Variants in NUP58 observed in about 807,000 individuals in gnomAD.
NUP58 encodes the protein nucleoporin p58/p45.
NUP58 carries 17 observed loss-of-function variants against 70.1 expected under a neutral mutation model. The ratio of observed to expected loss-of-function variants is 0.24; its 90% CI spans 0.17 to 0.36. The LOEUF (loss-of-function observed/expected upper bound fraction) is 0.36, where lower values mean the gene tolerates loss of function less well. Ranked by LOEUF, NUP58 falls within the 10% of genes least tolerant of loss-of-function variation. NUP58 has a pLI of 1.00. For synonymous variants in NUP58, 275 were observed against 257.6 expected (o/e 1.07, Z -0.65); for missense variants, 644 against 701.5 (o/e 0.92, Z 0.93).
intron 3 of NUP58, among the ~76,000 whole-genome samples, chr13:25,312,012 A>G (rs2030694061): frequency 6.6e-6 from 1 of 152,196 alleles, no homozygotes; most frequent in Non-Finnish European, 1.5e-5. Context: ...CTAGACAATG[A>G]GGACTTAGGT....
intron 3 of NUP58, among the ~76,000 whole-genome samples, chr13:25,311,673 C>A: frequency 8.2e-6 from 1 of 121,928 alleles, no homozygotes; most frequent in East Asian, 2.4e-4. Context: ...CGGCACCTGT[C>A]TTTTTTTTTT....
chr13:25,330,272 G>A (rs1213839553), intron 12 of NUP58, among the ~76,000 whole-genome samples: 1 of 152,156 alleles, frequency 6.6e-6, no homozygotes, highest in Non-Finnish European at 1.5e-5. Flanking sequence ...GGTAGTGCTT[G>A]TTTTTCTTAC....
chr13:25,320,385 A>C, intron 7 of NUP58, 145 bp from the exon 8 acceptor site: 1 of 541,056 alleles, frequency 1.8e-6, no homozygotes, highest in South Asian at 2.7e-5. Context: ...GTTTTTTATA[A>C]AGAGCTTTGA....
At chr13:25,315,284 A>T in intron 5 of NUP58, 73 bp from the exon 6 acceptor site, 1 of 1,027,510 alleles carries the variant, frequency 9.7e-7, no homozygotes, top group Non-Finnish European at 1.5e-6. Context: ...TAAAAGCATT[A>T]GAGTCCTTTG....
At chr13:25,337,335 T>C (rs2031821660) in intron 14 of NUP58, among the ~76,000 whole-genome samples, 2 of 152,196 alleles carry the variant, frequency 1.3e-5, no homozygotes, top group African/African-American at 4.8e-5. Context: ...ATCATCTTAA[T>C]TAAAAATCTT....
intron 3 of NUP58, among the ~76,000 whole-genome samples, chr13:25,347,518 C>T (rs2032064336): frequency 6.6e-6 from 1 of 152,206 alleles, no homozygotes; most frequent in Non-Finnish European, 1.5e-5. Flanking sequence ...AGGGTTATAA[C>T]CTCGATGTCT....
rs755300816 is a variant in NUP58, at chr13:25,313,030, C to A, written c.434C>A (p.Ala145Glu). 1.2e-6 allele frequency: 2 copies of A among 1,610,086 alleles called. No individual in the cohort carries two copies. The highest frequency in any genetic ancestry group is 2.2e-5 in the South Asian group (2 of 89,838). The change falls in exon 4 of 16, where the codon GCA becomes GAA. Residue 145 changes from alanine to glutamate, a missense_variant and splice_region_variant. Ala to Glu is a moderately radical substitution (Grantham distance 107, BLOSUM62 -1). Transcript: ENST00000381736. ...TLSSALTSTPAASTGFTLNNL... is the reference protein window; with the variant it reads ...TLSSALTSTPEASTGFTLNNL... ...TCGTCTGCTCTGACATCAACTCCAG[C>A]AGGTGAGGCAGAATGAAAAACCGTT...
intron 9 of NUP58, 52 bp downstream of exon 9, chr13:25,321,145 C>T (rs754067877): frequency 2.7e-6 from 4 of 1,459,940 alleles, no homozygotes; most frequent in Non-Finnish European, 1.9e-6. Flanking sequence ...TTTGTTTTTT[C>T]CAAAATGGAA....
intron 13 of NUP58, chr13:25,335,711 T>C (rs1471169859): frequency 1.0e-6 from 1 of 984,042 alleles, no homozygotes; most frequent in Non-Finnish European, 1.2e-6. Flanking sequence ...TCGGTTGTTT[T>C]TCTTTAAATG....
downstream of NUP58, among the ~76,000 whole-genome samples, chr13:25,345,486 C>T (rs9511762): frequency 0.82 from 124,660 of 151,522 alleles, 53,894 homozygotes; most frequent in Non-Finnish European, 0.96. Context: ...AAGCAAGAGC[C>T]GGACTTGTGC....
rs559729756 is a variant in NUP58 at position 25,313,011 on chromosome 13, G to T, written c.415G>T (p.Ala139Ser). 5.4e-5 allele frequency: 87 copies of T among 1,612,932 alleles called. No individual in the cohort carries two copies. The highest frequency in any genetic ancestry group is 7.0e-5 in the Non-Finnish European group (82 of 1,179,754). The change falls in exon 4 of 16, where the codon GCT (alanine) becomes TCT (serine). Residue 139 changes from alanine to serine, a missense_variant. Coordinates refer to ENST00000381736, the MANE Select transcript of NUP58 (RefSeq NM_014089.4). Reference sequence around the variant, plus strand: ...AGCTAGCGGTCTGACTCTTTCGTCTGCTCTGACATCAACTCCAGCAGGTGA... The same window carrying T: ...AGCTAGCGGTCTGACTCTTTCGTCTTCTCTGACATCAACTCCAGCAGGTGA... ...TSASGLTLSS[A>S]LTSTPAASTG...
chr13:25,348,986 G>A (rs957004890), intron 3 of NUP58, among the ~76,000 whole-genome samples: 1 of 152,002 alleles, frequency 6.6e-6, no homozygotes, highest in African/African-American at 2.4e-5. Context: ...TCACACCAGG[G>A]GCTGTTTCTT....
chr13:25,339,246 A>G lies in NUP58; in HGVS notation c.1630+515A>G, dbSNP rs117065133. Among the ~76,000 whole-genome samples, 38 of 152,124 alleles carry G rather than the reference A, an allele frequency of 2.5e-4. No individual in the cohort carries two copies. The East Asian group carries it at 7.3e-3, about 29-fold the overall frequency. ...CCAAATTTCATCTACTTTTGCATTT[A>G]TATTGGTAAATATGGCTTGTTTTAA... is the stretch of plus-strand genomic sequence containing the variant. On this transcript the variant is annotated intron_variant, in intron 15 of 15. Transcript: ENST00000381736.
At chr13:25,318,862 G>C (rs1252065072) in intron 6 of NUP58, among the ~76,000 whole-genome samples, 1 of 152,180 alleles carries the variant, frequency 6.6e-6, no homozygotes, top group Non-Finnish European at 1.5e-5. Flanking sequence ...ATTCTGTACT[G>C]ATAGGGCCTT....
Position 25,307,861 on chromosome 13 carries a change from A to G in NUP58, c.163A>G (p.Thr55Ala). The part of the protein sequence containing the change: ...GNLGSTSTPA[T>A]TSAPSSGFGT... ...TCTTGGAAGTACTTCAACTCCAGCA[A>G]CTACATCTGCTCCTTCAAGTGGTTT... The change falls in exon 2 of 16, where the codon ACT becomes GCT. Residue 55 changes from threonine to alanine, a missense_variant. Transcript: ENST00000381736. 2 of 1,614,174 alleles carry G rather than the reference A, an allele frequency of 1.2e-6. No homozygotes were observed. The highest frequency in any genetic ancestry group is 1.7e-6 in the Non-Finnish European group (2 of 1,180,012).
chr13:25,302,028 G>A (rs961785395), intron 1 of NUP58, 148 bp downstream of exon 1: 101 of 613,820 alleles, frequency 1.6e-4, no homozygotes, highest in African/African-American at 1.6e-3. Context: ...GCCCGGCGTC[G>A]TAGGCCTCTC....
downstream of NUP58, among the ~76,000 whole-genome samples, chr13:25,346,916 G>A (rs763317876): frequency 6.6e-6 from 1 of 152,034 alleles, no homozygotes; most frequent in Non-Finnish European, 1.5e-5. Context: ...AAAATAAAAA[G>A]CAACTAACAC....
chr13:25,325,938 C>T (rs2031376816), intron 10 of NUP58, among the ~76,000 whole-genome samples: 2 of 152,126 alleles, frequency 1.3e-5, no homozygotes, highest in African/African-American at 4.8e-5. Flanking sequence ...CTAAAAATTC[C>T]TGTATGCCTT....
At chr13:25,335,015 A>G (rs1490011216) in intron 13 of NUP58, 1 of 985,144 alleles carries the variant, frequency 1.0e-6, no homozygotes, top group Admixed American at 6.2e-5. Context: ...TCTAATAGTG[A>G]AACTAATATA....
Sources: allele counts gnomAD v4.1 joint callset (sites outside exome capture counted in the v4.1 genomes callset), GRCh38; gene constraint gnomAD v4.1.1; transcripts MANE v1.5; gene names NCBI Gene and HGNC (gene_info 2026-07-23, HGNC 2026-07-21).